The following ZCCHC2 variants were observed in gnomAD, a reference collection of about 807,000 sequenced individuals.
ZCCHC2 encodes the protein zinc finger CCHC-type containing 2.
In ZCCHC2, 39 loss-of-function variants were observed where a neutral mutation model predicts 103.6. The observed-to-expected ratio is 0.38, with a 90% CI of 0.29 to 0.49. The LOEUF is 0.49. Ranked by LOEUF, ZCCHC2 falls within the 20% of genes least tolerant of loss-of-function variation. The probability of loss-of-function intolerance (pLI) is 0.96; values close to 1 mark genes in which losing one functional copy is unlikely to be tolerated. For missense variants in ZCCHC2, 1,483 were observed against 1,491.0 expected, an observed-to-expected ratio of 0.99 and a Z score of 0.09; for synonymous variants, 687 against 608.9, an observed-to-expected ratio of 1.13 and a Z score of -1.89.
chr18:62,576,301 TAAAG>T (rs1389617728), intron 13 of ZCCHC2, among the ~76,000 whole-genome samples: 2 of 152,240 alleles, frequency 1.3e-5, no homozygotes, highest in Non-Finnish European at 2.9e-5. Flanking sequence ...TTGGCATTCT[TAAAG>T]AAAGATCAAG....
intron 1 of ZCCHC2, among the ~76,000 whole-genome samples, chr18:62,528,601 A>G (rs1237136950): frequency 1.3e-5 from 2 of 150,240 alleles, no homozygotes; most frequent in African/African-American, 4.9e-5. Context: ...TGTCTCGGGA[A>G]AAAAAAAAAA....
At chr18:62,538,257 TCTC>T in intron 1 of ZCCHC2, among the ~76,000 whole-genome samples, 1 of 42,894 alleles carries the variant, frequency 2.3e-5, no homozygotes. Flanking sequence ...AGAGACCCTG[TCTC>T]AAAAAAAAAA....
chr18:62,555,245 C>T (rs765310213), intron 5 of ZCCHC2, among the ~76,000 whole-genome samples: 10 of 152,082 alleles, frequency 6.6e-5, no homozygotes, highest in Non-Finnish European at 1.5e-4. Context: ...TGCCCAAGAG[C>T]CCTTTTACAG....
chr18:62,553,610 C>A (rs1276410477), intron 5 of ZCCHC2, among the ~76,000 whole-genome samples: 2 of 152,064 alleles, frequency 1.3e-5, no homozygotes, highest in Non-Finnish European at 2.9e-5. Context: ...TGTAATTGGT[C>A]AAAAGTTACA....
intron 10 of ZCCHC2, 130 bp downstream of exon 10, chr18:62,564,765 G>C: frequency 2.5e-6 from 2 of 796,918 alleles, no homozygotes; most frequent in Non-Finnish European, 3.8e-6. Context: ...TTACTCTTTT[G>C]GTTCAAAATA....
intron 1 of ZCCHC2, among the ~76,000 whole-genome samples, chr18:62,531,628 A>G (rs1038032694): frequency 2.0e-5 from 3 of 152,050 alleles, no homozygotes; most frequent in Non-Finnish European, 2.9e-5. Flanking sequence ...GATTAGCACA[A>G]TTTGGTTGCA....
At chr18:62,554,113 A>G (rs1273466876) in intron 5 of ZCCHC2, among the ~76,000 whole-genome samples, 1 of 152,240 alleles carries the variant, frequency 6.6e-6, no homozygotes, top group Non-Finnish European at 1.5e-5. Context: ...TGTAGGGAGT[A>G]TGGCGGGAAT....
chr18:62,545,499 A>G (rs1424822385), intron 4 of ZCCHC2, among the ~76,000 whole-genome samples: 1 of 152,178 alleles, frequency 6.6e-6, no homozygotes, highest in Non-Finnish European at 1.5e-5. Context: ...TAATAGAAAC[A>G]TCTTATTACA....
chr18:62,539,567 G>T (rs55722786), intron 1 of ZCCHC2, 114 bp from the exon 2 acceptor site: 161,473 of 757,286 alleles, frequency 0.21, 20,873 homozygotes, highest in Non-Finnish European at 0.27. Context: ...TCACCTATTG[G>T]ACCTCTAAAA....
intron 14 of ZCCHC2, among the ~76,000 whole-genome samples, chr18:62,584,177 G>T (rs1380663799): frequency 6.6e-6 from 1 of 152,190 alleles, no homozygotes; most frequent in Non-Finnish European, 1.5e-5. Flanking sequence ...AGTTCTGTGT[G>T]TGTATGCAAA....
chr18:62,569,866 G>A lies in ZCCHC2; in HGVS notation c.1847-237G>A, dbSNP rs554947567. On this transcript the variant is annotated intron_variant, in intron 11 of 13. Transcript: ENST00000269499. The stretch of plus-strand genomic sequence containing the variant: ...CAGACCCTGCAACCAACCTTAACTC[G>A]TTTTTTCTTTGAAGTCAGTAAGATT... 5.5e-4 allele frequency among the ~76,000 whole-genome samples: 83 copies of A among 152,138 alleles called. No individual in the cohort carries two copies. The Middle Eastern group carries it at 0.01, about 19-fold the overall frequency.
At position 62,555,441 on chromosome 18, in the gene ZCCHC2, C is replaced by T. The variant is rs201797925; in HGVS notation, c.1314-762C>T. Among the ~76,000 whole-genome samples the T allele has an allele frequency of 3.3e-5, 5 of 152,246 alleles. No homozygotes were observed. The East Asian group carries it at 7.7e-4, about 24-fold the overall frequency. ...TATGATAACTACATAATTGACTGTT[C>T]CATATTTTTCAGGACTCTTAGCATC... On this transcript the variant is annotated intron_variant, in intron 5 of 13. Coordinates refer to ENST00000269499, the MANE Select transcript of ZCCHC2 (RefSeq NM_017742.6).
At chr18:62,558,610 T>TA (rs935725665) in intron 6 of ZCCHC2, 77 bp from the exon 7 acceptor site, 190 of 895,230 alleles carry the variant, frequency 2.1e-4, no homozygotes, top group Non-Finnish European at 2.9e-4. Context: ...TTTCCTTAGG[T>TA]AAAAAAACAA....
At chr18:62,548,683 G>T (rs1270407800) in intron 4 of ZCCHC2, among the ~76,000 whole-genome samples, 1 of 152,176 alleles carries the variant, frequency 6.6e-6, no homozygotes, top group Non-Finnish European at 1.5e-5. Flanking sequence ...AGCACTTTGG[G>T]AAGCCACGGC....
At chr18:62,527,728 A>T (rs944767421) in intron 1 of ZCCHC2, among the ~76,000 whole-genome samples, 5 of 152,204 alleles carry the variant, frequency 3.3e-5, no homozygotes, top group Non-Finnish European at 5.9e-5. Context: ...TGATTGTTAC[A>T]ATCCTGTGTT....
intron 2 of ZCCHC2, 30 bp from the exon 3 acceptor site, chr18:62,542,468 A>C: frequency 6.5e-7 from 1 of 1,540,948 alleles, no homozygotes; most frequent in Non-Finnish European, 8.8e-7. Flanking sequence ...TCTTTGTAGC[A>C]CAAGTCACCG....
intron 12 of ZCCHC2, 54 bp from the exon 13 acceptor site, chr18:62,574,003 A>G (rs541177425): frequency 2.0e-6 from 3 of 1,519,962 alleles, no homozygotes; most frequent in African/African-American, 1.4e-5. Context: ...ATTTCTAGCA[A>G]GAAAGATGGG....
Position 62,574,702 on chromosome 18 carries a change from A to G in ZCCHC2, c.2621A>G (p.Gln874Arg), listed in dbSNP as rs374918207. Residue 874 changes from glutamine (Q) to arginine (R), a missense_variant, in exon 13 of 14, where the codon CAA (glutamine) becomes CGA (arginine). Gln to Arg is a conservative substitution (Grantham distance 43). Around this residue, in one of 3 missense-constraint regions of ZCCHC2, gnomAD observed 884 missense variants for 907.5 expected, o/e 0.97. Transcript: ENST00000269499. Reference protein sequence around the residue: ...TTDPITKSASQVVGLNQMVPQ... With the variant: ...TTDPITKSASRVVGLNQMVPQ... ...GACCCCATCACAAAATCTGCATCCCAAGTGGTAGGACTCAATCAAATGGTG... is the reference window on the plus strand; with the variant it reads ...GACCCCATCACAAAATCTGCATCCCGAGTGGTAGGACTCAATCAAATGGTG... 4.3e-6 allele frequency: 7 copies of G among 1,613,822 alleles called. No individual in the cohort carries two copies. The African/African-American group carries it at 8.0e-5, about 18-fold the overall frequency.
intron 4 of ZCCHC2, among the ~76,000 whole-genome samples, chr18:62,547,745 A>G (rs562225514): frequency 7.9e-5 from 12 of 152,126 alleles, no homozygotes; most frequent in Admixed American, 5.2e-4. Flanking sequence ...TATTTTCAGT[A>G]GAGATGGAGT....
Sources: allele counts gnomAD v4.1 joint callset (sites outside exome capture counted in the v4.1 genomes callset), GRCh38; gene constraint gnomAD v4.1.1; regional missense constraint gnomAD v4.1.1; transcripts MANE v1.5; gene names NCBI Gene and HGNC (gene_info 2026-07-23, HGNC 2026-07-21).